The following GPR137B variants were observed in gnomAD, a reference collection of about 807,000 sequenced individuals.
GPR137B encodes G protein-coupled receptor 137B, also known as integral membrane protein GPR137B.
In GPR137B, 42 loss-of-function variants were observed where a neutral mutation model predicts 42.5. The ratio of observed to expected loss-of-function variants is 0.99; its 90% CI spans 0.77 to 1.28. The LOEUF (loss-of-function observed/expected upper bound fraction) is 1.28. GPR137B is among the 50% of genes most tolerant of loss of function. GPR137B has a pLI of 0.00. For missense variants in GPR137B, 487 were observed against 493.9 expected (o/e 0.99, Z 0.13); for synonymous variants, 218 against 209.7 (o/e 1.04, Z -0.34).
intron 5 of GPR137B, among the ~76,000 whole-genome samples, chr1:236,190,084 C>T (rs1663143732): frequency 6.7e-6 from 1 of 148,792 alleles, no homozygotes; most frequent in East Asian, 2.0e-4. Flanking sequence ...TTTTTTGTCT[C>T]TTTTGATCTT....
rs1380679260 is a variant in GPR137B at position 236,142,892 on chromosome 1, C to G, written c.270C>G (p.Ser90=). The change falls in exon 1 of 7, where the codon TCC becomes TCG. Residue 90 remains serine (S), a synonymous_variant. Transcript: ENST00000366592. ...VFLFLCLFWA[S]LRTVLFSFYF... ...TCTTTCTCTGCCTCTTCTGGGCCTC[C>G]CTGCGGACCGTCCTCTTCTCCTTCT... is the stretch of plus-strand genomic sequence containing the variant. 3 of 1,614,138 alleles carry G rather than the reference C, an allele frequency of 1.9e-6. No individual in the cohort carries two copies. The highest frequency in any genetic ancestry group is 2.5e-6 in the Non-Finnish European group (3 of 1,180,044).
chr1:236,182,133 C>T (rs760815544), intron 4 of GPR137B, among the ~76,000 whole-genome samples: 1 of 151,914 alleles, frequency 6.6e-6, no homozygotes, highest in African/African-American at 2.4e-5. Context: ...CCTCATGATC[C>T]GCCCACCTCG....
At chr1:236,195,090 AT>A (rs1663295897) in intron 5 of GPR137B, among the ~76,000 whole-genome samples, 1 of 152,146 alleles carries the variant, frequency 6.6e-6, no homozygotes, top group Non-Finnish European at 1.5e-5. Flanking sequence ...CATCCCAAGC[AT>A]TTATCCTTTG....
intron 2 of GPR137B, among the ~76,000 whole-genome samples, chr1:236,178,175 T>C (rs1313227426): frequency 2.0e-5 from 3 of 152,166 alleles, no homozygotes; most frequent in Non-Finnish European, 4.4e-5. Context: ...GTGTGAGCTC[T>C]CAGTCCTCAC....
At chr1:236,191,828 C>T (rs1488791484) in intron 5 of GPR137B, among the ~76,000 whole-genome samples, 1 of 152,228 alleles carries the variant, frequency 6.6e-6, no homozygotes, top group African/African-American at 2.4e-5. Context: ...AGGCGGCAGT[C>T]TGACCCTTAG....
At chr1:236,175,224 A>G (rs975695746) in intron 2 of GPR137B, among the ~76,000 whole-genome samples, 4 of 152,024 alleles carry the variant, frequency 2.6e-5, no homozygotes, top group African/African-American at 9.7e-5. Flanking sequence ...AGAGAAAACA[A>G]ATTTTCTACT....
Position 236,208,283 on chromosome 1 carries a change from C to G in GPR137B, c.*125C>G. 2.0e-6 allele frequency: 3 copies of G among 1,463,774 alleles called. No homozygotes were observed. Among genetic ancestry groups the G allele is most frequent in the Non-Finnish European group, 2.7e-6 (3 of 1,112,444 alleles). 90.7% of individuals were successfully genotyped at this position (1,463,774 alleles called of 1,614,324 possible). Reference sequence around the variant, plus strand: ...CTTGATTTTTATTTGTTACAGGTTTCCAATGGCCCCATAGGAATAAGCAAT... The same window carrying G: ...CTTGATTTTTATTTGTTACAGGTTTGCAATGGCCCCATAGGAATAAGCAAT... On this transcript the variant is annotated 3_prime_UTR_variant, in exon 7 of 7. Coordinates refer to ENST00000366592, the MANE Select transcript of GPR137B (RefSeq NM_003272.4).
chr1:236,164,005 C>T (rs577139905), intron 1 of GPR137B, among the ~76,000 whole-genome samples: 7 of 151,920 alleles, frequency 4.6e-5, no homozygotes, highest in African/African-American at 1.7e-4. Flanking sequence ...TCACACCTCC[C>T]ATGCCTCCTC....
At chr1:236,159,826 TTACCAA>T (rs1662137352) in intron 1 of GPR137B, among the ~76,000 whole-genome samples, 1 of 152,194 alleles carries the variant, frequency 6.6e-6, no homozygotes, top group Admixed American at 6.5e-5. Flanking sequence ...AAGGCCTGGG[TTACCAA>T]GGGGGCACAA....
intron 5 of GPR137B, among the ~76,000 whole-genome samples, chr1:236,190,588 T>C (rs2102919149): frequency 6.6e-6 from 1 of 152,352 alleles, no homozygotes; most frequent in Non-Finnish European, 1.5e-5. Context: ...CCTTTACTTA[T>C]GAAGCTTAGT....
intron 2 of GPR137B, among the ~76,000 whole-genome samples, chr1:236,176,567 G>A (rs975907795): frequency 6.6e-6 from 1 of 152,182 alleles, no homozygotes; most frequent in Non-Finnish European, 1.5e-5. Context: ...GCACAGGGCT[G>A]TGCAGGGAGA....
intron 5 of GPR137B, among the ~76,000 whole-genome samples, chr1:236,195,689 C>T (rs528423839): frequency 1.3e-5 from 2 of 152,286 alleles, no homozygotes; most frequent in South Asian, 4.1e-4. Flanking sequence ...AAACTGTTCT[C>T]CATAGTGGTT....
At position 236,155,172 on chromosome 1, in the gene GPR137B, C is replaced by T. The variant is rs1403777198; in HGVS notation, c.414+12136C>T. On this transcript the variant is annotated intron_variant, in intron 1 of 6. Coordinates refer to ENST00000366592, the MANE Select transcript of GPR137B (RefSeq NM_003272.4). This position sits in a 1 kb window ranked among gnomAD's most constrained non-coding sequence, Gnocchi z 4.6. ...CAGTGGGCAGGCGGGCAGGTCCGTG[C>T]GCTTCTGTGGCTGAAGCGGCCGGGC... Among the ~76,000 whole-genome samples, 1 of 152,330 alleles carries T rather than the reference C, an allele frequency of 6.6e-6. No individual in the cohort carries two copies. Among genetic ancestry groups the T allele is most frequent in the Non-Finnish European group, 1.5e-5 (1 of 68,030 alleles).
rs1430882350 is a variant in GPR137B, at chr1:236,143,047, G to A, written c.414+11G>A. 1.2e-6 allele frequency: 2 copies of A among 1,600,416 alleles called. No homozygotes were observed. Among genetic ancestry groups the A allele is most frequent in the South Asian group, 2.2e-5 (2 of 90,002 alleles). On this transcript the variant is annotated intron_variant, in intron 1 of 6. Transcript: ENST00000366592. ...TTGTACTTCACGCAGGTGAGTTTCA[G>A]AGAGGCTCCTGGAGGCGCTCACCTG...
At chr1:236,186,286 A>ATATATAATAT in intron 5 of GPR137B, among the ~76,000 whole-genome samples, 1 of 58,558 alleles carries the variant, frequency 1.7e-5, no homozygotes, top group Non-Finnish European at 3.9e-5. Flanking sequence ...TAATAATATA[A>ATATATAATAT]ATAATATATA....
intron 5 of GPR137B, among the ~76,000 whole-genome samples, chr1:236,202,454 TTCCAAGTG>T (rs1663519616): frequency 6.6e-6 from 1 of 152,002 alleles, no homozygotes; most frequent in African/African-American, 2.4e-5. Flanking sequence ...TGCCGCTTCT[TTCCAAGTG>T]TCTGTGAATT....
chr1:236,208,233 G>A lies in GPR137B; in HGVS notation c.*75G>A. 4 of 1,560,296 alleles carry A rather than the reference G, an allele frequency of 2.6e-6. 1 individual carries two copies. The highest frequency in any genetic ancestry group is 2.4e-5 in the South Asian group (2 of 83,586). ...AAGCATAGTGACAGCTGAATTTTTA[G>A]GGCACTTTTCCTTAAGAAATAGAAC... On this transcript the variant is annotated 3_prime_UTR_variant, in exon 7 of 7. Transcript: ENST00000366592.
intron 1 of GPR137B, among the ~76,000 whole-genome samples, chr1:236,149,815 G>A (rs1238354894): frequency 2.0e-5 from 3 of 152,268 alleles, no homozygotes; most frequent in African/African-American, 7.2e-5. Flanking sequence ...TGGGCTCATG[G>A]CCAGCCAGAG....
rs1663746226 is a variant in GPR137B, at chr1:236,208,882, A to G, written c.*724A>G. On this transcript the variant is annotated 3_prime_UTR_variant, in exon 7 of 7. Coordinates refer to ENST00000366592, the MANE Select transcript of GPR137B (RefSeq NM_003272.4). ...ATTAAAAATGTAGCTGACTTATCCTATTAAACCTCCTCTGCTATGTTCACA... is the reference window on the plus strand; with the variant it reads ...ATTAAAAATGTAGCTGACTTATCCTGTTAAACCTCCTCTGCTATGTTCACA... 1 of 984,310 alleles carries G rather than the reference A, an allele frequency of 1.0e-6. No homozygotes were observed. Among genetic ancestry groups the G allele is most frequent in the Non-Finnish European group, 1.2e-6 (1 of 829,034 alleles). 61.0% of individuals were successfully genotyped at this position (984,310 alleles called of 1,614,324 possible). A position where few individuals can be genotyped will look rare whatever the true frequency, so the allele number is the denominator to read the frequency against.
Sources: allele counts gnomAD v4.1 joint callset (sites outside exome capture counted in the v4.1 genomes callset), GRCh38; gene constraint gnomAD v4.1.1; non-coding constraint Gnocchi (gnomAD v3.1); transcripts MANE v1.5; gene names NCBI Gene and HGNC (gene_info 2026-07-23, HGNC 2026-07-21).